The following RHOT1 variants were observed in gnomAD, a reference collection of about 807,000 sequenced individuals.
RHOT1 encodes the protein ras homolog family member T1, also known as mitochondrial Rho GTPase 1.
Under a neutral mutation model 95.3 loss-of-function variants are expected in RHOT1, and 27 were observed. The ratio of observed to expected loss-of-function variants is 0.28; its 90% confidence interval spans 0.21 to 0.39. The LOEUF is 0.39. RHOT1 is among the 10% of genes least tolerant of loss of function. The pLI is 1.00. For missense variants in RHOT1, 578 were observed against 786.7 expected (o/e 0.73, Z 3.17); for synonymous variants, 227 against 263.5 (o/e 0.86, Z 1.34).
At chr17:32,224,027 C>T (rs556514117) in intron 19 of RHOT1, among the ~76,000 whole-genome samples, 4 of 152,280 alleles carry the variant, frequency 2.6e-5, no homozygotes, top group African/African-American at 9.6e-5. Flanking sequence ...GTTTTTTTCT[C>T]TTTAATTAGC....
chr17:32,165,616 G>GT (rs753388371), intron 1 of RHOT1, among the ~76,000 whole-genome samples: 16 of 152,118 alleles, frequency 1.1e-4, no homozygotes, highest in Non-Finnish European at 2.1e-4. Flanking sequence ...TCATCCAGTG[G>GT]TTTTTTCTAT....
At chr17:32,201,752 A>C (rs962666179) in intron 14 of RHOT1, among the ~76,000 whole-genome samples, 6 of 152,236 alleles carry the variant, frequency 3.9e-5, no homozygotes, top group African/African-American at 1.4e-4. Flanking sequence ...CTTAATGTTA[A>C]ATAATGTTTC....
chr17:32,210,637 T>G (rs2038065020), intron 18 of RHOT1, among the ~76,000 whole-genome samples: 1 of 152,192 alleles, frequency 6.6e-6, no homozygotes, highest in Admixed American at 6.5e-5. Context: ...TTTTGACTCA[T>G]TTGTATATTT....
In RHOT1 at chr17:32,220,844, C is replaced by T. The variant is rs116375518; in HGVS notation, c.1863-3772C>T. ...AAAAAGTCTAAAAGGAAATACCTGA[C>T]CTTTTAATTTGTTGCCTTGGGTAAC... On this transcript the variant is annotated intron_variant, in intron 19 of 19. Coordinates refer to ENST00000545287, the MANE Select transcript of RHOT1 (RefSeq NM_001033566.3). Among the ~76,000 whole-genome samples the T allele has an allele frequency of 9.3e-3, 1,400 of 150,234 alleles. 15 individuals are homozygous for T. Among genetic ancestry groups the T allele is most frequent in the African/African-American group, 0.033 (1,339 of 40,828 alleles).
chr17:32,187,923 T>G (rs1435460749), intron 8 of RHOT1, among the ~76,000 whole-genome samples: 2 of 152,248 alleles, frequency 1.3e-5, no homozygotes, highest in Non-Finnish European at 2.9e-5. Context: ...TAGGTGAAAA[T>G]TATATTACAT....
intron 18 of RHOT1, among the ~76,000 whole-genome samples, chr17:32,209,921 T>G (rs1304007718): frequency 6.6e-6 from 1 of 151,992 alleles, no homozygotes; most frequent in Non-Finnish European, 1.5e-5. Flanking sequence ...TAGCAGTGAT[T>G]TGTTCATCAT....
chr17:32,144,296 C>T (rs1465147541), intron 1 of RHOT1, among the ~76,000 whole-genome samples: 1 of 152,100 alleles, frequency 6.6e-6, no homozygotes, highest in African/African-American at 2.4e-5. Context: ...GCCTGTAATC[C>T]CAGCACTTTG....
chr17:32,202,701 G>A, intron 14 of RHOT1, 69 bp from the exon 15 acceptor site: 1 of 1,198,236 alleles, frequency 8.3e-7, no homozygotes, highest in South Asian at 1.5e-5. Context: ...TTTGCAAAAG[G>A]TGGAATGGAG....
Position 32,224,791 on chromosome 17 carries a change from C to T in RHOT1, c.*58C>T. Reference sequence around the variant, plus strand: ...AATACTTTTATGTACATTCTGAATGCTTTAAGTTCTGCTAGAATTATTGAG... The same window carrying T: ...AATACTTTTATGTACATTCTGAATGTTTTAAGTTCTGCTAGAATTATTGAG... On this transcript the variant is annotated 3_prime_UTR_variant, in exon 20 of 20. Coordinates refer to ENST00000545287, the MANE Select transcript of RHOT1 (RefSeq NM_001033566.3). 1.0e-6 allele frequency: 1 copy of T among 977,712 alleles called. No homozygotes were observed. Among genetic ancestry groups the T allele is most frequent in the Non-Finnish European group, 1.6e-6 (1 of 636,298 alleles). The allele number at this position is 977,712 out of a possible 1,614,324, so 60.6% of individuals were successfully genotyped here.
At chr17:32,182,722 G>C in intron 6 of RHOT1, 35 bp from the exon 7 acceptor site, 1 of 1,182,238 alleles carries the variant, frequency 8.5e-7, no homozygotes, top group Non-Finnish European at 1.2e-6. Flanking sequence ...AATGTCTTTT[G>C]CCTTCCTTAT....
intron 1 of RHOT1, among the ~76,000 whole-genome samples, chr17:32,167,388 G>A (rs1462850059): frequency 6.6e-6 from 1 of 151,006 alleles, no homozygotes; most frequent in East Asian, 1.9e-4. Context: ...GTGCAGTAGT[G>A]CAATCTTGGC....
At chr17:32,222,991 T>C in intron 19 of RHOT1, 1 of 509,462 alleles carries the variant, frequency 2.0e-6, no homozygotes, top group Non-Finnish European at 2.5e-6. Flanking sequence ...TTTAATAAAA[T>C]GCTGCCTGTT....
At chr17:32,170,939 CT>C (rs1207344781) in intron 1 of RHOT1, 103 bp from the exon 2 acceptor site, 2 of 647,908 alleles carry the variant, frequency 3.1e-6, no homozygotes, top group Non-Finnish European at 5.4e-6. Flanking sequence ...ATTTGGATGC[CT>C]TAGATTTTAG....
chr17:32,161,620 C>T (rs562412326), intron 1 of RHOT1, among the ~76,000 whole-genome samples: 1 of 152,328 alleles, frequency 6.6e-6, no homozygotes, highest in South Asian at 2.1e-4. Context: ...TTAAATTCCT[C>T]TCAAGGTTAT....
intron 8 of RHOT1, among the ~76,000 whole-genome samples, chr17:32,189,007 A>G (rs2036258360): frequency 1.3e-5 from 2 of 152,230 alleles, no homozygotes; most frequent in African/African-American, 4.8e-5. Context: ...CTTGTTAAAA[A>G]CATAGATTCT....
intron 13 of RHOT1, among the ~76,000 whole-genome samples, chr17:32,199,902 G>A (rs746816069): frequency 2.0e-5 from 3 of 151,348 alleles, no homozygotes; most frequent in Non-Finnish European, 4.4e-5. Flanking sequence ...ACTTGACACT[G>A]AAGATTCTGT....
At chr17:32,213,542 T>C (rs1420924726) in intron 19 of RHOT1, among the ~76,000 whole-genome samples, 3 of 152,244 alleles carry the variant, frequency 2.0e-5, no homozygotes, top group Non-Finnish European at 4.4e-5. Flanking sequence ...TCCTGTCTTA[T>C]CAGATATTTC....
At chr17:32,224,389 A>G (rs1193933931) in intron 19 of RHOT1, among the ~76,000 whole-genome samples, 2 of 152,224 alleles carry the variant, frequency 1.3e-5, no homozygotes, top group Non-Finnish European at 2.9e-5. Flanking sequence ...TACTCCCACA[A>G]AGTAGCTAAT....
At chr17:32,167,493 A>ATT (rs1351667582) in intron 1 of RHOT1, among the ~76,000 whole-genome samples, 1 of 151,996 alleles carries the variant, frequency 6.6e-6, no homozygotes, top group African/African-American at 2.4e-5. Context: ...TGCCCGGTTA[A>ATT]TTTTTGTATT....
Sources: allele counts gnomAD v4.1 joint callset (sites outside exome capture counted in the v4.1 genomes callset), GRCh38; gene constraint gnomAD v4.1.1; transcripts MANE v1.5; gene names NCBI Gene and HGNC (gene_info 2026-07-23, HGNC 2026-07-21).